The following EPB41L2 variants were observed in gnomAD, a reference collection of about 807,000 sequenced individuals.
EPB41L2 encodes the protein band 4.1-like protein 2.
Under a neutral mutation model 113.0 loss-of-function variants are expected in EPB41L2, and 43 were observed. That is an observed-to-expected ratio of 0.38 (90% CI 0.30 to 0.49). The LOEUF (loss-of-function observed/expected upper bound fraction) is 0.49. EPB41L2 is among the 20% of genes least tolerant of loss of function. The pLI is 0.95. For synonymous variants in EPB41L2, 442 were observed against 436.7 expected, an observed-to-expected ratio of 1.01 and a Z score of -0.15; for missense variants, 1,147 against 1,223.4, an observed-to-expected ratio of 0.94 and a Z score of 0.93.
At chr6:130,953,073 T>A (rs971767679) in intron 3 of EPB41L2, among the ~76,000 whole-genome samples, 2 of 150,564 alleles carry the variant, frequency 1.3e-5, no homozygotes, top group African/African-American at 4.9e-5. Context: ...ATGAAGAAAC[T>A]GAGGTCTACA....
chr6:130,867,802 G>A (rs755928327), intron 15 of EPB41L2: 31 of 497,424 alleles, frequency 6.2e-5, no homozygotes, highest in Admixed American at 1.3e-4. Context: ...ACATAGATAC[G>A]TACATATATA....
intron 1 of EPB41L2, among the ~76,000 whole-genome samples, chr6:130,972,421 A>G (rs1410265025): frequency 6.6e-6 from 1 of 152,008 alleles, no homozygotes; most frequent in Non-Finnish European, 1.5e-5. Flanking sequence ...AAGCAACATA[A>G]ATGTAAAGTC....
chr6:131,022,786 A>G (rs377311468), intron 1 of EPB41L2, among the ~76,000 whole-genome samples: 2 of 152,254 alleles, frequency 1.3e-5, no homozygotes, highest in African/African-American at 4.8e-5. Context: ...TGTAAATAAT[A>G]CCATTGTATA....
At chr6:131,032,763 T>C (rs1290582235) in intron 1 of EPB41L2, among the ~76,000 whole-genome samples, 1 of 152,246 alleles carries the variant, frequency 6.6e-6, no homozygotes, top group Non-Finnish European at 1.5e-5. Context: ...CAATTTTATA[T>C]ATACCAATGC....
chr6:130,934,000 T>C (rs1358240201), intron 3 of EPB41L2, among the ~76,000 whole-genome samples: 1 of 152,178 alleles, frequency 6.6e-6, no homozygotes, highest in Non-Finnish European at 1.5e-5. Context: ...GCCCTGAAGC[T>C]ATGTATTTTG....
intron 4 of EPB41L2, among the ~76,000 whole-genome samples, chr6:130,915,277 T>C (rs1253617123): frequency 6.6e-6 from 1 of 152,150 alleles, no homozygotes; most frequent in East Asian, 1.9e-4. Flanking sequence ...CACTCCAGCC[T>C]GGGCGACAGA....
intron 1 of EPB41L2, among the ~76,000 whole-genome samples, chr6:131,028,690 G>A (rs142245194): frequency 2.4e-4 from 37 of 152,102 alleles, no homozygotes; most frequent in Middle Eastern, 3.4e-3. Flanking sequence ...TATTAATATC[G>A]CATAAAACCA....
intron 1 of EPB41L2, among the ~76,000 whole-genome samples, chr6:130,958,805 T>C (rs971784979): frequency 3.3e-5 from 5 of 152,148 alleles, no homozygotes; most frequent in African/African-American, 7.2e-5. Context: ...ATAAAAGATT[T>C]TGTGTTATTT....
rs1031751135 is a variant in EPB41L2, at chr6:130,907,788, A to T, written c.853+1033T>A. 7.9e-5 allele frequency among the ~76,000 whole-genome samples: 12 copies of T among 152,306 alleles called. No individual in the cohort carries two copies. In the East Asian group the frequency reaches 1.5e-3, roughly 20 times the overall value. On this transcript the variant is annotated intron_variant, in intron 5 of 19. Transcript: ENST00000337057. ...TAAAATGGGAGCTAGATGGTAGATGAAAAGGGCAAGAAGGGAAAGGACAGA... is the reference window on the plus strand; with the variant it reads ...TAAAATGGGAGCTAGATGGTAGATGTAAAGGGCAAGAAGGGAAAGGACAGA...
In EPB41L2 at chr6:130,992,609, C is replaced by T. The variant is rs530967756; in HGVS notation, c.-14-36110G>A. ...TGTTGTCCTTTCTCTGTATGTATTT[C>T]TACTGCTGAAATTACCAATTCAAAT... On this transcript the variant is annotated intron_variant, in intron 1 of 19. Coordinates refer to ENST00000337057, the MANE Select transcript of EPB41L2 (RefSeq NM_001431.4). Among the ~76,000 whole-genome samples the T allele has an allele frequency of 2.5e-3, 375 of 151,858 alleles. 3 individuals are homozygous for T. Among genetic ancestry groups the T allele is most frequent in the Admixed American group, 3.0e-3 (46 of 15,234 alleles).
chr6:130,993,511 G>A (rs1056678920), intron 1 of EPB41L2, among the ~76,000 whole-genome samples: 15 of 152,162 alleles, frequency 9.9e-5, no homozygotes, highest in African/African-American at 2.7e-4. Flanking sequence ...TTAAAATGGC[G>A]TCAGCACCAA....
chr6:130,998,563 T>G (rs1010083138), intron 1 of EPB41L2, among the ~76,000 whole-genome samples: 2 of 152,184 alleles, frequency 1.3e-5, no homozygotes, highest in African/African-American at 4.8e-5. Flanking sequence ...ATCAGGATAC[T>G]AAACTGATTA....
At chr6:131,051,409 T>G in intron 1 of EPB41L2, among the ~76,000 whole-genome samples, 1 of 119,792 alleles carries the variant, frequency 8.3e-6, no homozygotes, top group Non-Finnish European at 1.7e-5. Flanking sequence ...TAAAATGAAG[T>G]GAGAAAAGTT....
At chr6:130,886,948 T>A (rs111503445) in intron 11 of EPB41L2, among the ~76,000 whole-genome samples, 1,598 of 152,234 alleles carry the variant, frequency 0.01, 40 homozygotes, top group African/African-American at 0.037. Flanking sequence ...CAGTTTTTTT[T>A]AATAAAGAAA....
At chr6:130,959,957 A>G (rs1222310586) in intron 1 of EPB41L2, among the ~76,000 whole-genome samples, 1 of 152,190 alleles carries the variant, frequency 6.6e-6, no homozygotes, top group Admixed American at 6.5e-5. Context: ...GAAATATAAA[A>G]CTTGAGTTTC....
At chr6:130,941,985 T>G (rs1184910509) in intron 3 of EPB41L2, among the ~76,000 whole-genome samples, 1 of 152,210 alleles carries the variant, frequency 6.6e-6, no homozygotes, top group Non-Finnish European at 1.5e-5. Flanking sequence ...GACAGATCAT[T>G]TATGTCAGTG....
chr6:130,954,239 G>C (rs1243482399), intron 3 of EPB41L2, among the ~76,000 whole-genome samples: 2 of 151,472 alleles, frequency 1.3e-5, no homozygotes, highest in Non-Finnish European at 2.9e-5. Flanking sequence ...ATTTTTAGTA[G>C]AGACAGGGTT....
chr6:131,046,001 C>T (rs1157072140), intron 1 of EPB41L2, among the ~76,000 whole-genome samples: 2 of 147,484 alleles, frequency 1.4e-5, no homozygotes, highest in Non-Finnish European at 3.0e-5. Flanking sequence ...GGCTGGAGTG[C>T]AGTGGCAAGA....
At chr6:130,861,134 G>A (rs572373410) in intron 18 of EPB41L2, among the ~76,000 whole-genome samples, 7 of 151,734 alleles carry the variant, frequency 4.6e-5, no homozygotes, top group African/African-American at 1.7e-4. Flanking sequence ...GTGCAGTGGC[G>A]CCATCTCCGC....
Sources: gnomAD v4.1 joint callset for allele counts (sites outside exome capture counted in the v4.1 genomes callset) on GRCh38, gnomAD v4.1.1 for gene constraint, MANE v1.5 for transcripts, NCBI Gene and HGNC (gene_info 2026-07-23, HGNC 2026-07-21) for gene names.